Variants in ADGRB3 observed in about 807,000 individuals in gnomAD.
ADGRB3 encodes the protein adhesion G protein-coupled receptor B3.
Under a neutral mutation model 193.4 loss-of-function variants are expected in ADGRB3, and 37 were observed. The ratio of observed to expected loss-of-function variants is 0.19; its 90% CI spans 0.15 to 0.25. The LOEUF (loss-of-function observed/expected upper bound fraction) is 0.25, where lower values mean the gene tolerates loss of function less well. Among genes scored for constraint, ADGRB3 ranks in the 10% least tolerant of loss-of-function variants. The pLI, the probability that ADGRB3 is intolerant of heterozygous loss-of-function variation, is 1.00. For synonymous variants in ADGRB3, 690 were observed against 644.2 expected, an observed-to-expected ratio of 1.07 and a Z score of -1.08; for missense variants, 1,637 against 1,852.9, an observed-to-expected ratio of 0.88 and a Z score of 2.14.
intron 16 of ADGRB3, among the ~76,000 whole-genome samples, chr6:69,072,373 A>G (rs150092117): frequency 1.2e-3 from 188 of 152,338 alleles, no homozygotes; most frequent in Middle Eastern, 0.01. Context: ...TAAGGGGTGA[A>G]GAACATGGAG....
chr6:68,778,038 ACT>A (rs1267120092), intron 3 of ADGRB3, among the ~76,000 whole-genome samples: 1 of 152,044 alleles, frequency 6.6e-6, no homozygotes, highest in African/African-American at 2.4e-5. Context: ...ACAAATGTTG[ACT>A]CTACTTATTC....
At chr6:68,863,959 G>T (rs964005314) in intron 3 of ADGRB3, among the ~76,000 whole-genome samples, 2 of 152,074 alleles carry the variant, frequency 1.3e-5, no homozygotes, top group Non-Finnish European at 2.9e-5. Flanking sequence ...TCTGCTATTG[G>T]AGTTGTGTCT....
intron 17 of ADGRB3, among the ~76,000 whole-genome samples, chr6:69,156,616 T>C (rs1349053597): frequency 6.6e-6 from 1 of 152,202 alleles, no homozygotes; most frequent in Non-Finnish European, 1.5e-5. Context: ...TATGAACCCA[T>C]TAGCCAAGAG....
At chr6:68,974,496 G>A (rs1768681887) in intron 8 of ADGRB3, among the ~76,000 whole-genome samples, 1 of 152,110 alleles carries the variant, frequency 6.6e-6, no homozygotes, top group Admixed American at 6.5e-5. Context: ...GGCCAGATGT[G>A]GCAACACACG....
At chr6:68,754,308 G>A (rs1489094003) in intron 3 of ADGRB3, among the ~76,000 whole-genome samples, 1 of 152,156 alleles carries the variant, frequency 6.6e-6, no homozygotes, top group Non-Finnish European at 1.5e-5. Flanking sequence ...GGTCATAGCA[G>A]GGGAATTTTA....
chr6:68,854,811 T>G (rs1164993805), intron 3 of ADGRB3, among the ~76,000 whole-genome samples: 2 of 152,222 alleles, frequency 1.3e-5, no homozygotes, highest in Non-Finnish European at 2.9e-5. Context: ...CCTTGATACC[T>G]GATGCCACAG....
intron 16 of ADGRB3, 66 bp from the exon 17 acceptor site, chr6:69,075,929 A>G (rs1772216014): frequency 5.8e-6 from 7 of 1,203,484 alleles, no homozygotes; most frequent in East Asian, 4.7e-5. Flanking sequence ...TCTATTTCAC[A>G]TAATCCCTCA....
chr6:69,219,139 T>C (rs1478349560), intron 17 of ADGRB3, among the ~76,000 whole-genome samples: 2 of 151,906 alleles, frequency 1.3e-5, no homozygotes, highest in Non-Finnish European at 2.9e-5. Flanking sequence ...AAGATGAAAA[T>C]TGTTCTGTTA....
intron 10 of ADGRB3, among the ~76,000 whole-genome samples, chr6:68,982,032 C>T (rs1229577294): frequency 6.6e-6 from 1 of 151,832 alleles, no homozygotes; most frequent in Non-Finnish European, 1.5e-5. Flanking sequence ...ATTACAGGCG[C>T]CTGCCACCAC....
In ADGRB3 at chr6:68,784,908, G is replaced by A. The variant is rs1157618245; in HGVS notation, c.757+145476G>A. Among the ~76,000 whole-genome samples, 5 of 151,922 alleles carry A rather than the reference G, an allele frequency of 3.3e-5. No homozygotes were observed. In the South Asian group the frequency reaches 6.2e-4, roughly 19 times the overall value. On this transcript the variant is annotated intron_variant, in intron 3 of 31. Coordinates refer to ENST00000370598, the MANE Select transcript of ADGRB3 (RefSeq NM_001704.3). ...CTTTTCCTTCATAGAGTTTAGTAGTGTTCATTTTATTTATTTGAATGTCAA... is the reference window on the plus strand; with the variant it reads ...CTTTTCCTTCATAGAGTTTAGTAGTATTCATTTTATTTATTTGAATGTCAA...
intron 13 of ADGRB3, among the ~76,000 whole-genome samples, chr6:69,040,357 C>CTTTCTTTCTTTCTTTCTTTCTT (rs1562133191): frequency 1.6e-5 from 1 of 63,178 alleles, no homozygotes; most frequent in Non-Finnish European, 3.2e-5. Flanking sequence ...TTCTTTCTTT[C>CTTTCTTTCTTTCTTTCTTTCTT]TTTCTTTCTT....
intron 3 of ADGRB3, among the ~76,000 whole-genome samples, chr6:68,651,870 A>G (rs1314518178): frequency 1.3e-5 from 2 of 152,152 alleles, no homozygotes; most frequent in Non-Finnish European, 2.9e-5. Context: ...ATGTAGCCAC[A>G]TACAAGAAAT....
intron 17 of ADGRB3, among the ~76,000 whole-genome samples, chr6:69,214,746 G>C (rs1378194977): frequency 6.6e-6 from 1 of 151,380 alleles, no homozygotes; most frequent in South Asian, 2.1e-4. Context: ...TGGTGCAAAC[G>C]TAATTGTGGT....
intron 3 of ADGRB3, among the ~76,000 whole-genome samples, chr6:68,818,209 T>C (rs1444923844): frequency 1.3e-5 from 2 of 152,072 alleles, no homozygotes; most frequent in Non-Finnish European, 2.9e-5. Context: ...TCTCCACCTG[T>C]AGACTCTCCT....
intron 8 of ADGRB3, among the ~76,000 whole-genome samples, chr6:68,968,199 T>A (rs1490651730): frequency 6.6e-6 from 1 of 152,142 alleles, no homozygotes; most frequent in East Asian, 1.9e-4. Context: ...CCCATCAGAT[T>A]CCGCAGCCGG....
chr6:69,229,002 A>G (rs981696871), intron 17 of ADGRB3, among the ~76,000 whole-genome samples: 4 of 152,180 alleles, frequency 2.6e-5, no homozygotes, highest in African/African-American at 7.2e-5. Context: ...AAGTCCTATC[A>G]TAGGGTTTAA....
chr6:69,255,895 G>T (rs1482021117), intron 20 of ADGRB3, among the ~76,000 whole-genome samples: 1 of 152,120 alleles, frequency 6.6e-6, no homozygotes, highest in African/African-American at 2.4e-5. Flanking sequence ...TGTAAGGAAG[G>T]GATCCGGTTT....
intron 3 of ADGRB3, among the ~76,000 whole-genome samples, chr6:68,823,860 G>C (rs1350376177): frequency 6.6e-6 from 1 of 152,084 alleles, no homozygotes; most frequent in Non-Finnish European, 1.5e-5. Flanking sequence ...TGTCTGGTTT[G>C]TATAAAAATG....
intron 17 of ADGRB3, among the ~76,000 whole-genome samples, chr6:69,102,218 T>C (rs1031917371): frequency 2.7e-5 from 4 of 148,648 alleles, no homozygotes; most frequent in Admixed American, 6.7e-5. Context: ...TAAAAACATA[T>C]AAATACAAAA....
Sources: gnomAD v4.1 joint callset for allele counts (sites outside exome capture counted in the v4.1 genomes callset) on GRCh38, gnomAD v4.1.1 for gene constraint, MANE v1.5 for transcripts, NCBI Gene and HGNC (gene_info 2026-07-23, HGNC 2026-07-21) for gene names.